CDH9: variants seen among roughly 807,000 people sequenced by gnomAD.
CDH9 encodes the protein cadherin 9.
Under a neutral mutation model 70.9 loss-of-function variants are expected in CDH9, and 28 were observed. The observed-to-expected ratio is 0.40, with a 90% confidence interval of 0.29 to 0.54. The LOEUF (loss-of-function observed/expected upper bound fraction) is 0.54. Ranked by LOEUF, CDH9 falls within the 20% of genes least tolerant of loss-of-function variation. CDH9 has a pLI of 0.59. For missense variants in CDH9, 874 were observed against 984.4 expected, an observed-to-expected ratio of 0.89 and a Z score of 1.50; for synonymous variants, 409 against 343.1, an observed-to-expected ratio of 1.19 and a Z score of -2.12.
At chr5:26,966,212 A>G (rs949522737) in intron 2 of CDH9, among the ~76,000 whole-genome samples, 1 of 152,156 alleles carries the variant, frequency 6.6e-6, no homozygotes, top group Non-Finnish European at 1.5e-5. Context: ...AATTTGGGGC[A>G]GCTCTGTAAA....
intron 3 of CDH9, 92 bp from the exon 4 acceptor site, chr5:26,906,930 G>A: frequency 1.4e-6 from 2 of 1,389,582 alleles, no homozygotes; most frequent in Non-Finnish European, 9.4e-7. Flanking sequence ...TCAGTGTTTT[G>A]TATTAGACGA....
chr5:27,030,190 A>G (rs1262272242), intron 1 of CDH9, among the ~76,000 whole-genome samples: 1 of 151,958 alleles, frequency 6.6e-6, no homozygotes, highest in African/African-American at 2.4e-5. Context: ...TTCTTCGTGA[A>G]TTGTGACCTT....
chr5:27,034,636 C>T (rs1743361708), intron 1 of CDH9, among the ~76,000 whole-genome samples: 1 of 151,390 alleles, frequency 6.6e-6, no homozygotes, highest in African/African-American at 2.4e-5. Flanking sequence ...ATGATGTTTC[C>T]ACTTTCCTCT....
rs1327396528 is a variant in CDH9 at position 26,889,879 on chromosome 5, A to G, written c.1469T>C (p.Met490Thr). Reference sequence around the variant, plus strand: ...TTCACAAACAAATGTTTCATAATACATGGCAAATTCCGGAGCATGGTCATT... The same window carrying G: ...TTCACAAACAAATGTTTCATAATACGTGGCAAATTCCGGAGCATGGTCATT... ...DINDHAPEFAMYYETFVCENA... is the reference protein window; with the variant it reads ...DINDHAPEFATYYETFVCENA... The change falls in exon 9 of 12, where the codon ATG (methionine) becomes ACG (threonine). Residue 490 changes from methionine (M) to threonine (T), a missense_variant. By Grantham distance (81) the Met-to-Thr change is moderately conservative. Coordinates refer to ENST00000231021, the MANE Select transcript of CDH9 (RefSeq NM_016279.4). 3.1e-6 allele frequency: 5 copies of G among 1,602,830 alleles called. No homozygotes were observed. The highest frequency in any genetic ancestry group is 2.2e-5 in the East Asian group (1 of 44,600).
intron 9 of CDH9, among the ~76,000 whole-genome samples, chr5:26,888,239 C>T (rs766274530): frequency 4.6e-5 from 7 of 151,934 alleles, no homozygotes; most frequent in East Asian, 1.9e-4. Context: ...ACCTAGTTTA[C>T]GACAGATTTG....
At chr5:26,930,578 T>A (rs1741424937) in intron 2 of CDH9, among the ~76,000 whole-genome samples, 1 of 152,108 alleles carries the variant, frequency 6.6e-6, no homozygotes, top group Non-Finnish European at 1.5e-5. Context: ...TGTAATTTGA[T>A]CAGTTGGACA....
intron 2 of CDH9, among the ~76,000 whole-genome samples, chr5:26,922,405 A>C (rs552063620): frequency 7.9e-5 from 12 of 152,248 alleles, no homozygotes; most frequent in African/African-American, 2.6e-4. Context: ...TCAGTGGAAA[A>C]CTTACAGGAT....
At chr5:26,959,877 G>C (rs535391843) in intron 2 of CDH9, among the ~76,000 whole-genome samples, 1 of 146,910 alleles carries the variant, frequency 6.8e-6, no homozygotes, top group Non-Finnish European at 1.5e-5. Context: ...TGGGGTACTA[G>C]GGCATGATTA....
chr5:26,913,876 T>C (rs1383283295), intron 3 of CDH9, among the ~76,000 whole-genome samples: 1 of 151,698 alleles, frequency 6.6e-6, no homozygotes, highest in Non-Finnish European at 1.5e-5. Flanking sequence ...CAAAATACAT[T>C]TGAATTATGT....
intron 1 of CDH9, among the ~76,000 whole-genome samples, chr5:27,036,528 A>G (rs374247778): frequency 3.9e-5 from 6 of 152,070 alleles, no homozygotes; most frequent in East Asian, 3.9e-4. Flanking sequence ...AAACTATCAA[A>G]TACTGTAATA....
At chr5:26,977,433 A>G (rs1742319378) in intron 2 of CDH9, among the ~76,000 whole-genome samples, 1 of 150,480 alleles carries the variant, frequency 6.6e-6, no homozygotes, top group African/African-American at 2.5e-5. Context: ...AACATTCTAC[A>G]AAGTATATTA....
intron 2 of CDH9, among the ~76,000 whole-genome samples, chr5:26,918,065 A>G (rs1163568611): frequency 1.3e-5 from 2 of 152,168 alleles, no homozygotes; most frequent in South Asian, 4.1e-4. Context: ...TTATTTATAC[A>G]TCCAGGATAA....
chr5:27,004,458 ATAACT>A (rs1306924621), intron 1 of CDH9, among the ~76,000 whole-genome samples: 1 of 152,184 alleles, frequency 6.6e-6, no homozygotes, highest in Non-Finnish European at 1.5e-5. Context: ...GGATCACGAC[ATAACT>A]TAAATGTTAA....
chr5:26,888,723 T>C (rs1165733688), intron 9 of CDH9, among the ~76,000 whole-genome samples: 1 of 152,150 alleles, frequency 6.6e-6, no homozygotes, highest in Non-Finnish European at 1.5e-5. Flanking sequence ...CATTTTCTCA[T>C]AGTTCTGGAG....
chr5:26,884,933 G>T (rs903439279), intron 11 of CDH9, among the ~76,000 whole-genome samples: 1 of 152,092 alleles, frequency 6.6e-6, no homozygotes, highest in Non-Finnish European at 1.5e-5. Context: ...ATATTGCAGG[G>T]CTAGGTAGGA....
intron 11 of CDH9, among the ~76,000 whole-genome samples, 166 bp downstream of exon 11, chr5:26,885,448 A>C (rs553776529): frequency 1.3e-5 from 2 of 152,308 alleles, no homozygotes; most frequent in South Asian, 2.1e-4. Context: ...GCCTATCCCC[A>C]CACACAAAAA....
In CDH9 at chr5:26,902,642, G is replaced by A. The variant is rs1740876370; in HGVS notation, c.1087C>T (p.Pro363Ser). Residue 363 changes from proline to serine, a missense_variant, in exon 7 of 12, where the codon CCT (proline) becomes TCT (serine). Physicochemically the swap from Pro to Ser is moderately conservative, Grantham distance 74 (BLOSUM62 -1). Transcript: ENST00000231021. The stretch of plus-strand genomic sequence containing the variant: ...TTGACCACAGCTGTATCTTTGAAAG[G>A]TCCCAGGTGTAAGAATCGTGGATCA... ...HPDPRFLHLG[P>S]FKDTAVVKIS... The A allele has an allele frequency of 1.3e-6, 2 of 1,596,506 alleles. No individual in the cohort carries two copies. Among genetic ancestry groups the A allele is most frequent in the African/African-American group, 1.3e-5 (1 of 74,472 alleles).
At chr5:26,883,041 TTATATATATA>T (rs59145200) in intron 11 of CDH9, among the ~76,000 whole-genome samples, 3,121 of 57,946 alleles carry the variant, frequency 0.054, 341 homozygotes, top group Middle Eastern at 0.14. Flanking sequence ...CAGGATCATC[TTATATATATA>T]TATATATATA....
intron 2 of CDH9, among the ~76,000 whole-genome samples, chr5:26,949,165 C>G (rs984578393): frequency 1.3e-5 from 2 of 152,024 alleles, no homozygotes; most frequent in South Asian, 4.2e-4. Context: ...TACATTTGAC[C>G]CTTTTGGCTT....
Sources: allele counts gnomAD v4.1 joint callset (sites outside exome capture counted in the v4.1 genomes callset), GRCh38; gene constraint gnomAD v4.1.1; transcripts MANE v1.5; gene names NCBI Gene and HGNC (gene_info 2026-07-23, HGNC 2026-07-21).